KCNMA1: variants seen among roughly 807,000 people sequenced by gnomAD.
KCNMA1 encodes Calcium-activated potassium channel subunit alpha-1.
KCNMA1 carries 29 observed loss-of-function variants against 140.0 expected under a neutral mutation model. The observed-to-expected ratio is 0.21, with a 90% CI of 0.15 to 0.28. The LOEUF (loss-of-function observed/expected upper bound fraction) is 0.28. Among genes scored for constraint, KCNMA1 ranks in the 10% least tolerant of loss-of-function variants. The pLI is 1.00. For missense variants in KCNMA1, 880 were observed against 1,602.2 expected, an observed-to-expected ratio of 0.55 and a Z score of 7.70; for synonymous variants, 612 against 611.9, an observed-to-expected ratio of 1.00 and a Z score of 0.00.
intron 15 of KCNMA1, 50 bp from the exon 16 acceptor site, chr10:77,027,941 G>C (rs55654319): frequency 7.6e-6 from 11 of 1,452,684 alleles, no homozygotes; most frequent in Non-Finnish European, 1.1e-5. Flanking sequence ...AATGACCAGA[G>C]CCACATAACA....
intron 18 of KCNMA1, among the ~76,000 whole-genome samples, chr10:77,009,789 C>T (rs915514784): frequency 6.6e-6 from 1 of 152,160 alleles, no homozygotes; most frequent in African/African-American, 2.4e-5. Flanking sequence ...GTCTTGGCCT[C>T]AACATCACCC....
At chr10:77,393,826 G>A (rs1392181388) in intron 2 of KCNMA1, among the ~76,000 whole-genome samples, 2 of 152,250 alleles carry the variant, frequency 1.3e-5, no homozygotes, top group African/African-American at 4.8e-5. Context: ...CACTGACAAA[G>A]GGGCAGGGTT....
intron 11 of KCNMA1, among the ~76,000 whole-genome samples, 173 bp downstream of exon 11, chr10:77,086,315 G>C (rs2096689219): frequency 6.6e-6 from 1 of 152,114 alleles, no homozygotes; most frequent in African/African-American, 2.4e-5. Context: ...AGGAGGTCCT[G>C]GGACCAGTGG....
chr10:77,051,777 C>T (rs967970736), intron 14 of KCNMA1, among the ~76,000 whole-genome samples: 11 of 152,144 alleles, frequency 7.2e-5, no homozygotes, highest in African/African-American at 2.7e-4. Context: ...CTCTCCAAGC[C>T]TTAATTCCCT....
chr10:77,517,179 G>A (rs2050852304), intron 1 of KCNMA1, among the ~76,000 whole-genome samples: 1 of 152,086 alleles, frequency 6.6e-6, no homozygotes, highest in Non-Finnish European at 1.5e-5. Context: ...GGCACTCCAG[G>A]AAGAGTTCCT....
At chr10:76,943,346 A>G (rs2063090676) in intron 23 of KCNMA1, among the ~76,000 whole-genome samples, 1 of 152,160 alleles carries the variant, frequency 6.6e-6, no homozygotes, top group African/African-American at 2.4e-5. Context: ...GGTGGCATGG[A>G]GAGGTCAAAA....
rs117885447 is a variant in KCNMA1, at chr10:77,006,715, A to C, written c.2093-5135T>G. Among the ~76,000 whole-genome samples, 164 of 152,338 alleles carry C rather than the reference A, an allele frequency of 1.1e-3. 1 individual carries two copies. Among genetic ancestry groups the C allele is most frequent in the East Asian group, 0.01 (53 of 5,186 alleles). On this transcript the variant is annotated intron_variant, in intron 18 of 27. Transcript: ENST00000286628. ...ACTGTATTGTGGCTGAGGAAGGCAG[A>C]AGTATTTGGCACTAGAGTTGTTGGT...
chr10:76,991,986 C>T (rs1368665105), intron 19 of KCNMA1, among the ~76,000 whole-genome samples: 1 of 152,200 alleles, frequency 6.6e-6, no homozygotes, highest in Admixed American at 6.5e-5. Flanking sequence ...ATTTATAAGT[C>T]TCTCAGTGCA....
At chr10:77,266,141 T>C (rs915551531) in intron 2 of KCNMA1, among the ~76,000 whole-genome samples, 17 of 148,988 alleles carry the variant, frequency 1.1e-4, no homozygotes, top group Non-Finnish European at 2.4e-4. Flanking sequence ...CCCAGAACCA[T>C]AAAACTTGTA....
At chr10:77,315,977 G>A (rs1027747173) in intron 2 of KCNMA1, among the ~76,000 whole-genome samples, 5 of 152,240 alleles carry the variant, frequency 3.3e-5, no homozygotes, top group East Asian at 3.9e-4. Context: ...ATTGGTGGGC[G>A]CAAGATAAAC....
chr10:77,464,846 T>C (rs1166690329), intron 1 of KCNMA1, among the ~76,000 whole-genome samples: 2 of 152,220 alleles, frequency 1.3e-5, no homozygotes, highest in South Asian at 2.1e-4. Flanking sequence ...TGGGAGGATA[T>C]GATATCACAA....
chr10:76,913,933 A>G (rs1432046785), intron 24 of KCNMA1: 1 of 699,176 alleles, frequency 1.4e-6, no homozygotes, highest in Non-Finnish European at 2.5e-6. Context: ...AACACATTCA[A>G]AGCAGTGCCA....
chr10:77,260,200 T>G lies in KCNMA1; in HGVS notation c.541-8944A>C, dbSNP rs545762772. On this transcript the variant is annotated intron_variant, in intron 2 of 27. Coordinates refer to ENST00000286628, the MANE Select transcript of KCNMA1 (RefSeq NM_001161352.2). ...CACACAGGGATAGCAAGGACAGTCC[T>G]GCACACAGACTCAAAGGGGATGGGG... Among the ~76,000 whole-genome samples the G allele has an allele frequency of 9.2e-5, 14 of 152,194 alleles. No individual in the cohort carries two copies. In the East Asian group the frequency reaches 2.7e-3, roughly 29 times the overall value.
At chr10:77,268,828 G>T (rs1361849297) in intron 2 of KCNMA1, among the ~76,000 whole-genome samples, 1 of 152,088 alleles carries the variant, frequency 6.6e-6, no homozygotes, top group Non-Finnish European at 1.5e-5. Flanking sequence ...TGACAGAGAG[G>T]GTGTCTCTGC....
chr10:77,393,524 T>G (rs1483582456), intron 2 of KCNMA1, among the ~76,000 whole-genome samples: 1 of 152,192 alleles, frequency 6.6e-6, no homozygotes, highest in Non-Finnish European at 1.5e-5. Context: ...AACTGAGGTA[T>G]GAGACAATGA....
At chr10:77,002,672 C>T (rs2086878472) in intron 18 of KCNMA1, among the ~76,000 whole-genome samples, 2 of 152,192 alleles carry the variant, frequency 1.3e-5, no homozygotes. Flanking sequence ...TGGAAGTCAG[C>T]ATCGTAGTTT....
chr10:77,327,903 T>A (rs1470446717), intron 2 of KCNMA1, among the ~76,000 whole-genome samples: 1 of 152,176 alleles, frequency 6.6e-6, no homozygotes, highest in African/African-American at 2.4e-5. Context: ...GATTTTTATG[T>A]CAACACAACC....
chr10:76,891,675 C>G lies in KCNMA1; in HGVS notation c.3192G>C (p.Val1064=), dbSNP rs2040108246. The G allele has an allele frequency of 6.2e-7, 1 of 1,614,074 alleles. No homozygotes were observed. The highest frequency in any genetic ancestry group is 8.5e-7 in the Non-Finnish European group (1 of 1,180,022). ...DNILTLIRTL[V]TGGATPELEA... is the part of the protein sequence containing the mutation. Reference sequence around the variant, plus strand: ...CCAGCTCCGGCGTGGCTCCTCCGGTCACCAGGGTCCGTATCAGGGTGAGGA... The same window carrying G: ...CCAGCTCCGGCGTGGCTCCTCCGGTGACCAGGGTCCGTATCAGGGTGAGGA... Residue 1064 remains valine, a synonymous_variant, in exon 26 of 28, where the codon GTG becomes GTC. Transcript: ENST00000286628.
intron 2 of KCNMA1, among the ~76,000 whole-genome samples, chr10:77,371,837 C>G (rs1259032752): frequency 1.3e-5 from 2 of 152,210 alleles, no homozygotes; most frequent in African/African-American, 4.8e-5. Context: ...GGGAGCAATT[C>G]CCCTCCTACA....
Sources: gnomAD v4.1 joint callset for allele counts (sites outside exome capture counted in the v4.1 genomes callset) on GRCh38, gnomAD v4.1.1 for gene constraint, MANE v1.5 for transcripts, NCBI Gene and HGNC (gene_info 2026-07-23, HGNC 2026-07-21) for gene names.